The following METTL15 variants were observed in gnomAD, a reference collection of about 807,000 sequenced individuals.
The protein encoded by METTL15 is 12S rRNA N(4)-cytidine methyltransferase METTL15.
In METTL15, 34 loss-of-function variants were observed where a neutral mutation model predicts 38.3. The observed-to-expected ratio is 0.89, with a 90% CI of 0.68 to 1.18. The LOEUF (loss-of-function observed/expected upper bound fraction) is 1.18. Ranked by LOEUF, METTL15 falls within the 50% of genes most tolerant of loss-of-function variation. The probability of loss-of-function intolerance (pLI) is 0.00; values close to 1 mark genes in which losing one functional copy is unlikely to be tolerated. For synonymous variants in METTL15, 162 were observed against 170.9 expected (o/e 0.95, Z 0.41); for missense variants, 438 against 498.4 (o/e 0.88, Z 1.15).
intron 4 of METTL15, among the ~76,000 whole-genome samples, chr11:28,233,657 T>C (rs1295585085): frequency 6.6e-6 from 1 of 152,058 alleles, no homozygotes; most frequent in African/African-American, 2.4e-5. Context: ...TAACAGTTGT[T>C]TCTCCTGCTT....
chr11:28,475,800 G>C (rs1472931507), intron 6 of METTL15, among the ~76,000 whole-genome samples: 1 of 152,178 alleles, frequency 6.6e-6, no homozygotes, highest in African/African-American at 2.4e-5. Flanking sequence ...ATCACACTCA[G>C]TTACCCTCTT....
chr11:28,194,761 T>A (rs140213855), intron 3 of METTL15, among the ~76,000 whole-genome samples: 9 of 152,050 alleles, frequency 5.9e-5, no homozygotes, highest in African/African-American at 2.2e-4. Flanking sequence ...AATTGTATAG[T>A]GGTGAAGTCT....
At chr11:28,245,419 C>G (rs1404509923) in intron 4 of METTL15, among the ~76,000 whole-genome samples, 1 of 152,008 alleles carries the variant, frequency 6.6e-6, no homozygotes, top group Non-Finnish European at 1.5e-5. Context: ...TTAGTGGTTT[C>G]AGCATTAGAT....
At chr11:28,278,574 T>C (rs1855929369) in intron 4 of METTL15, among the ~76,000 whole-genome samples, 1 of 152,118 alleles carries the variant, frequency 6.6e-6, no homozygotes, top group African/African-American at 2.4e-5. Flanking sequence ...ATTCTTCCAT[T>C]TTAAAATTTG....
At chr11:28,157,068 G>A (rs1359017381) in intron 3 of METTL15, among the ~76,000 whole-genome samples, 1 of 152,120 alleles carries the variant, frequency 6.6e-6, no homozygotes, top group African/African-American at 2.4e-5. Flanking sequence ...CCCTGTGATG[G>A]CTAATACTGA....
At chr11:28,134,276 C>T (rs1230188664) in intron 3 of METTL15, among the ~76,000 whole-genome samples, 2 of 152,104 alleles carry the variant, frequency 1.3e-5, no homozygotes, top group East Asian at 1.9e-4. Context: ...AGCAGGTTGC[C>T]GGTTGCCCAC....
chr11:28,205,423 A>G (rs1332012524), intron 3 of METTL15, among the ~76,000 whole-genome samples: 1 of 152,114 alleles, frequency 6.6e-6, no homozygotes, highest in Non-Finnish European at 1.5e-5. Context: ...ATGTCCCTAC[A>G]AAGGACATGA....
intron 6 of METTL15, among the ~76,000 whole-genome samples, chr11:28,478,928 G>A (rs1015741015): frequency 6.6e-6 from 1 of 152,036 alleles, no homozygotes; most frequent in Non-Finnish European, 1.5e-5. Flanking sequence ...ACCTGCCAAG[G>A]GAGGCCCCAT....
intron 5 of METTL15, chr11:28,410,674 A>G (rs1240238225): frequency 6.6e-6 from 1 of 152,116 alleles, no homozygotes; most frequent in African/African-American, 2.4e-5. Flanking sequence ...GATAATCAAC[A>G]GGGAAAAATG....
chr11:28,406,084 A>G (rs968223244), intron 5 of METTL15, among the ~76,000 whole-genome samples: 2 of 152,136 alleles, frequency 1.3e-5, no homozygotes, highest in African/African-American at 4.8e-5. Flanking sequence ...TGTCTTGGCT[A>G]TCTGGGCTCT....
chr11:28,474,822 G>C (rs1308518935), intron 6 of METTL15, among the ~76,000 whole-genome samples: 3 of 152,172 alleles, frequency 2.0e-5, no homozygotes, highest in Non-Finnish European at 4.4e-5. Context: ...GAGGGTGAAT[G>C]GTGTGTTGTT....
intron 4 of METTL15, among the ~76,000 whole-genome samples, chr11:28,278,818 T>G (rs1855939061): frequency 6.6e-6 from 1 of 152,144 alleles, no homozygotes; most frequent in Admixed American, 6.5e-5. Context: ...TGAGAGAGAT[T>G]GGCCTTTAAG....
At chr11:28,123,835 GT>G in intron 3 of METTL15, 1 of 1,391,840 alleles carries the variant, frequency 7.2e-7, no homozygotes, top group Non-Finnish European at 9.7e-7. Flanking sequence ...TCTTTCTTTT[GT>G]TACATGTATT....
In METTL15 at chr11:28,492,102, T is replaced by C. The variant is rs539563023; in HGVS notation, c.*425-34376T>C. Among the ~76,000 whole-genome samples, 3 of 152,216 alleles carry C rather than the reference T, an allele frequency of 2.0e-5. No individual in the cohort carries two copies. In the South Asian group the frequency reaches 6.2e-4, roughly 32 times the overall value. On this transcript the variant is annotated intron_variant and NMD_transcript_variant, in intron 6 of 7. Coordinates refer to the METTL15 transcript ENST00000532947. ...CAACAAATATGTCTGAGCACAAAAG[T>C]ATGGCTGGTTTAGAACAAGATGTTT... is the stretch of plus-strand genomic sequence containing the variant.
chr11:28,113,620 A>AT lies in METTL15; in HGVS notation c.270+22dup. 9 of 1,596,924 alleles carry AT rather than the reference A, an allele frequency of 5.6e-6. No homozygotes were observed. The highest frequency in any genetic ancestry group is 7.7e-6 in the Non-Finnish European group (9 of 1,172,578). ...AAAAGGACAGGTGAGTTGAATTTTT[A>AT]TTTTTTAGCAAGTTTTTGTTGAGAT... On this transcript the variant is annotated intron_variant, in intron 3 of 6. Transcript: ENST00000407364.
intron 3 of METTL15, among the ~76,000 whole-genome samples, chr11:28,188,279 A>G (rs899190095): frequency 6.7e-6 from 1 of 149,912 alleles, no homozygotes; most frequent in African/African-American, 2.4e-5. Flanking sequence ...TATCAAACAG[A>G]TATTTTAATA....
chr11:28,523,679 A>G (rs1175090526), intron 6 of METTL15, among the ~76,000 whole-genome samples: 1 of 152,228 alleles, frequency 6.6e-6, no homozygotes, highest in Non-Finnish European at 1.5e-5. Flanking sequence ...CATTTAAATT[A>G]GGTGACATTG....
intron 6 of METTL15, among the ~76,000 whole-genome samples, chr11:28,298,709 G>A (rs184839965): frequency 6.6e-6 from 1 of 151,956 alleles, no homozygotes; most frequent in Non-Finnish European, 1.5e-5. Context: ...ATTCATATAT[G>A]GTAAATAAAA....
At chr11:28,169,509 G>A (rs1432421167) in intron 3 of METTL15, among the ~76,000 whole-genome samples, 1 of 152,156 alleles carries the variant, frequency 6.6e-6, no homozygotes, top group Non-Finnish European at 1.5e-5. Context: ...AGATCTGAAA[G>A]ATGATGTACC....
Sources: allele counts gnomAD v4.1 joint callset (sites outside exome capture counted in the v4.1 genomes callset), GRCh38; gene constraint gnomAD v4.1.1; transcripts MANE v1.5; gene names NCBI Gene and HGNC (gene_info 2026-07-23, HGNC 2026-07-21).